The following NLGN4X variants were observed in gnomAD, a reference collection of about 807,000 sequenced individuals.
The protein encoded by NLGN4X is neuroligin 4 X-linked.
NLGN4X carries 3 observed loss-of-function variants against 40.3 expected under a neutral mutation model. That is an observed-to-expected ratio of 0.07 (90% CI 0.03 to 0.19). The LOEUF (loss-of-function observed/expected upper bound fraction) is 0.19. NLGN4X is among the 10% of genes least tolerant of loss of function. The pLI is 1.00. For synonymous variants in NLGN4X, 270 were observed against 306.8 expected, an observed-to-expected ratio of 0.88 and a Z score of 1.25; for missense variants, 382 against 708.3, an observed-to-expected ratio of 0.54 and a Z score of 5.23.
intron 1 of NLGN4X, among the ~76,000 whole-genome samples, chrX:6,217,393 A>G (rs1428737750): frequency 9.0e-6 from 1 of 111,691 alleles, no homozygotes; most frequent in Non-Finnish European, 1.9e-5. Context: ...ATTTTTATAA[A>G]TTATGTCATA....
intron 3 of NLGN4X, among the ~76,000 whole-genome samples, chrX:5,947,736 C>A (rs893671315): frequency 1.8e-5 from 2 of 111,619 alleles, no homozygotes; most frequent in African/African-American, 6.5e-5. Flanking sequence ...TGTCATTTTC[C>A]CGACATGGCT....
At chrX:5,992,464 G>A (rs150513397) in intron 3 of NLGN4X, among the ~76,000 whole-genome samples, 3,432 of 110,836 alleles carry the variant, frequency 0.031, 145 homozygotes, top group African/African-American at 0.11. Flanking sequence ...AACTGGGCAT[G>A]GAGGCATGCA....
At chrX:6,210,832 G>C (rs1037534982) in intron 1 of NLGN4X, among the ~76,000 whole-genome samples, 5 of 112,378 alleles carry the variant, frequency 4.4e-5, no homozygotes, top group African/African-American at 1.6e-4. Context: ...CCTTGCGTGA[G>C]TTACAAAACT....
intron 2 of NLGN4X, among the ~76,000 whole-genome samples, chrX:6,121,378 G>T (rs2147578963): frequency 8.9e-6 from 1 of 111,899 alleles, no homozygotes; most frequent in East Asian, 2.8e-4. Context: ...GACATGGAAG[G>T]AGGGATATGT....
chrX:5,999,693 A>G (rs1290673639), intron 3 of NLGN4X, among the ~76,000 whole-genome samples: 2 of 112,005 alleles, frequency 1.8e-5, no homozygotes, highest in East Asian at 2.8e-4. Context: ...GGTTCTTCAA[A>G]CCCCAAAAGA....
chrX:5,910,190 C>T (rs1341670637), intron 3 of NLGN4X, among the ~76,000 whole-genome samples: 1 of 111,942 alleles, frequency 8.9e-6, no homozygotes. Context: ...GACATACACT[C>T]TCCTACTCAG....
chrX:5,923,872 A>C (rs2033169104), intron 3 of NLGN4X, among the ~76,000 whole-genome samples: 1 of 111,598 alleles, frequency 9.0e-6, no homozygotes, highest in African/African-American at 3.3e-5. Flanking sequence ...GTCTGTATTT[A>C]ATGACCAATG....
intron 1 of NLGN4X, among the ~76,000 whole-genome samples, chrX:6,211,707 T>A (rs1210909077): frequency 9.0e-6 from 1 of 111,722 alleles, no homozygotes; most frequent in Non-Finnish European, 1.9e-5. Flanking sequence ...TACAGGCAAA[T>A]ATATATGTCC....
chrX:6,093,432 A>G (rs1047546562), intron 2 of NLGN4X, among the ~76,000 whole-genome samples: 3 of 112,345 alleles, frequency 2.7e-5, no homozygotes, highest in African/African-American at 9.7e-5. Context: ...TACAACTGCA[A>G]GCTTTTCTTG....
chrX:6,056,247 G>A (rs1027578127), intron 2 of NLGN4X, among the ~76,000 whole-genome samples: 2 of 111,792 alleles, frequency 1.8e-5, no homozygotes, highest in East Asian at 5.6e-4. Context: ...AGGCCAAGGT[G>A]TGTGGATCAC....
Position 5,900,560 on chromosome X carries a change from C to CTTTTTTTTTTTTTTTTTT in NLGN4X, c.1601+2499_1601+2516dup, listed in dbSNP as rs1163973694. 6.6e-5 allele frequency among the ~76,000 whole-genome samples: 3 copies of CTTTTTTTTTTTTTTTTTT among 45,596 alleles called. 1 individual carries two copies. The highest frequency in any genetic ancestry group is 1.1e-4 in the Non-Finnish European group (3 of 26,100). 39.6% of individuals were successfully genotyped at this position (45,596 alleles called of 115,157 possible). On this transcript the variant is annotated intron_variant, in intron 5 of 5. Coordinates refer to ENST00000381095, the MANE Select transcript of NLGN4X (RefSeq NM_181332.3). ...GTTATAAGACACACCGTTTTTGGTGCTTTTTTTTTTTTTTTTTTTTTTTTT... is the reference window on the plus strand; with the variant it reads ...GTTATAAGACACACCGTTTTTGGTGCTTTTTTTTTTTTTTTTTTTTTTTTTTTTTTTTTTTTTTTTTTT...
chrX:5,987,294 C>T (rs2035556399), intron 3 of NLGN4X, among the ~76,000 whole-genome samples: 3 of 111,883 alleles, frequency 2.7e-5, no homozygotes, highest in African/African-American at 9.8e-5. Context: ...TCAGGGATGC[C>T]TTTATCATTG....
chrX:5,993,799 G>T (rs923231546), intron 3 of NLGN4X, among the ~76,000 whole-genome samples: 4 of 111,574 alleles, frequency 3.6e-5, no homozygotes, highest in African/African-American at 9.8e-5. Context: ...ACTGTGCCCT[G>T]GTCTCACCTC....
intron 2 of NLGN4X, among the ~76,000 whole-genome samples, chrX:6,121,418 CACACCCTATCATGCA>C (rs2039422720): frequency 9.0e-6 from 1 of 111,621 alleles, no homozygotes; most frequent in Non-Finnish European, 1.9e-5. Flanking sequence ...AAAATAAAAA[CACACCCTATCATGCA>C]ACAGACATGT....
intron 2 of NLGN4X, among the ~76,000 whole-genome samples, chrX:6,092,132 C>G (rs140845259): frequency 2.6e-4 from 29 of 109,512 alleles, no homozygotes; most frequent in African/African-American, 7.6e-4. Flanking sequence ...CTGAACAAAA[C>G]AATTACCTCC....
At chrX:6,031,098 ATAACT>A (rs1362187936) in intron 2 of NLGN4X, among the ~76,000 whole-genome samples, 2 of 112,341 alleles carry the variant, frequency 1.8e-5, no homozygotes, top group African/African-American at 6.5e-5. Flanking sequence ...TCAAAAAATC[ATAACT>A]TAACAATATG....
At chrX:5,968,469 G>C (rs1225058639) in intron 3 of NLGN4X, among the ~76,000 whole-genome samples, 2,614 of 22,334 alleles carry the variant, frequency 0.12, 165 homozygotes, top group Non-Finnish European at 0.15. Flanking sequence ...GTGTGTGTGT[G>C]TGTGTGTGTG....
At chrX:6,030,394 A>ATG (rs35006258) in intron 2 of NLGN4X, among the ~76,000 whole-genome samples, 1,956 of 100,032 alleles carry the variant, frequency 0.02, 18 homozygotes, top group Non-Finnish European at 0.027. Flanking sequence ...GGATACAGAT[A>ATG]TGTGTGTGTG....
chrX:6,227,337 C>G (rs1330466458), intron 1 of NLGN4X: 1 of 109,425 alleles, frequency 9.1e-6, no homozygotes, highest in East Asian at 2.9e-4. Context: ...TAACACTCCC[C>G]CCGACACCCT....
Sources: gnomAD v4.1 joint callset for allele counts (sites outside exome capture counted in the v4.1 genomes callset) on GRCh38, gnomAD v4.1.1 for gene constraint, MANE v1.5 for transcripts, NCBI Gene and HGNC (gene_info 2026-07-23, HGNC 2026-07-21) for gene names.